GPC6: variants seen among roughly 807,000 people sequenced by gnomAD.
GPC6 encodes glypican 6.
Under a neutral mutation model 55.2 loss-of-function variants are expected in GPC6, and 14 were observed. The observed-to-expected ratio is 0.25, with a 90% CI of 0.17 to 0.40. The LOEUF (loss-of-function observed/expected upper bound fraction) is 0.40, where lower values mean the gene tolerates loss of function less well. Ranked by LOEUF, GPC6 falls within the 10% of genes least tolerant of loss-of-function variation. The probability of loss-of-function intolerance (pLI) is 1.00; values close to 1 mark genes in which losing one functional copy is unlikely to be tolerated. For missense variants in GPC6, 641 were observed against 708.5 expected (o/e 0.90, Z 1.08); for synonymous variants, 278 against 259.6 (o/e 1.07, Z -0.68).
intron 1 of GPC6, among the ~76,000 whole-genome samples, chr13:93,418,694 C>T (rs139687478): frequency 4.6e-4 from 68 of 148,848 alleles, no homozygotes; most frequent in African/African-American, 1.4e-3. Flanking sequence ...AGTGCTATAC[C>T]GTAGTGTCAT....
At chr13:94,186,053 C>A (rs1190662477) in intron 4 of GPC6, among the ~76,000 whole-genome samples, 1 of 15,220 alleles carries the variant, frequency 6.6e-5, no homozygotes, top group African/African-American at 5.2e-4. Context: ...GAGCGAGACT[C>A]CGTCTCCAAA....
intron 4 of GPC6, among the ~76,000 whole-genome samples, chr13:94,136,331 A>T (rs527392990): frequency 2.0e-5 from 3 of 152,254 alleles, no homozygotes; most frequent in East Asian, 3.9e-4. Flanking sequence ...AATACAGTAC[A>T]AGAGAGTGGC....
rs1335326866 is a variant in GPC6 at position 93,258,873 on chromosome 13, C to T, written c.160+31257C>T. ...GCTTAGCTGGGAGGATCCCTTGAAC[C>T]CAGAAGTTTGAGGCTTCAGGGAGCT... On this transcript the variant is annotated intron_variant, in intron 1 of 8. Transcript: ENST00000377047. Among the ~76,000 whole-genome samples the T allele has an allele frequency of 2.0e-5, 3 of 152,124 alleles. No individual in the cohort carries two copies. In the East Asian group the frequency reaches 5.8e-4, roughly 29 times the overall value.
Position 93,682,992 on chromosome 13 carries a change from T to TCTA in GPC6, c.319+137571_319+137572insCTA, listed in dbSNP as rs560191748. On this transcript the variant is annotated intron_variant, in intron 2 of 8. Coordinates refer to ENST00000377047, the MANE Select transcript of GPC6 (RefSeq NM_005708.5). ...ATAACTGCACCAGTGCACTCTAGTC[T>TCTA]GTGTGACCAAGCAAGACCCTGTCTG... Among the ~76,000 whole-genome samples the TCTA allele has an allele frequency of 1.4e-4, 21 of 152,126 alleles. No homozygotes were observed. In the South Asian group the frequency reaches 3.9e-3, roughly 29 times the overall value.
At chr13:93,636,545 C>T (rs1879706340) in intron 2 of GPC6, among the ~76,000 whole-genome samples, 1 of 152,040 alleles carries the variant, frequency 6.6e-6, no homozygotes, top group Non-Finnish European at 1.5e-5. Context: ...TTGTTTTGAC[C>T]AAAGAAAAGT....
chr13:94,193,737 AT>A (rs1416561156), intron 4 of GPC6, among the ~76,000 whole-genome samples: 3 of 152,182 alleles, frequency 2.0e-5, no homozygotes, highest in African/African-American at 7.2e-5. Flanking sequence ...GCATATGATC[AT>A]TGTCGTCATG....
chr13:93,974,258 A>C (rs1445520270), intron 3 of GPC6, among the ~76,000 whole-genome samples: 1 of 152,208 alleles, frequency 6.6e-6, no homozygotes, highest in Admixed American at 6.5e-5. Flanking sequence ...AGTTTCATTA[A>C]CATTTATTCT....
chr13:93,676,166 TATACATACACAC>T (rs1405410474), intron 2 of GPC6, among the ~76,000 whole-genome samples: 2 of 35,656 alleles, frequency 5.6e-5, no homozygotes, highest in African/African-American at 1.8e-4. Flanking sequence ...TATATATATA[TATACATACACAC>T]ACACACACAC....
chr13:93,625,150 T>A (rs2139562988), intron 2 of GPC6, among the ~76,000 whole-genome samples: 1 of 152,308 alleles, frequency 6.6e-6, no homozygotes, highest in South Asian at 2.1e-4. Context: ...GACAGTTTTT[T>A]TTTATTTTAG....
intron 2 of GPC6, among the ~76,000 whole-genome samples, chr13:93,756,915 A>G (rs918452497): frequency 6.6e-6 from 1 of 152,124 alleles, no homozygotes; most frequent in Non-Finnish European, 1.5e-5. Flanking sequence ...AGAGATGTAA[A>G]ATTGGTTTTC....
chr13:93,322,431 CTTTT>C (rs71272281), intron 1 of GPC6, among the ~76,000 whole-genome samples: 2,417 of 96,716 alleles, frequency 0.025, 40 homozygotes, highest in African/African-American at 0.095. Flanking sequence ...TTTCTTTCTT[CTTTT>C]TTTTTTTTTT....
chr13:93,389,221 G>C (rs1875519958), intron 1 of GPC6, among the ~76,000 whole-genome samples: 1 of 152,088 alleles, frequency 6.6e-6, no homozygotes, highest in Non-Finnish European at 1.5e-5. Context: ...TATGCTGCCA[G>C]GCACGGTGGC....
chr13:93,240,089 C>G (rs964435331), intron 1 of GPC6, among the ~76,000 whole-genome samples: 1 of 152,012 alleles, frequency 6.6e-6, no homozygotes, highest in Non-Finnish European at 1.5e-5. Context: ...GTGCTTATGA[C>G]AAGAATGTAT....
chr13:94,373,563 G>C (rs965059659), intron 6 of GPC6, among the ~76,000 whole-genome samples: 1 of 152,162 alleles, frequency 6.6e-6, no homozygotes, highest in Admixed American at 6.5e-5. Flanking sequence ...ATGGGACTAT[G>C]TGAAAAGACC....
At chr13:93,623,762 T>C (rs1432854423) in intron 2 of GPC6, among the ~76,000 whole-genome samples, 1 of 152,094 alleles carries the variant, frequency 6.6e-6, no homozygotes. Context: ...CTGGCCTCTT[T>C]GGTCTTTTTG....
intron 4 of GPC6, among the ~76,000 whole-genome samples, chr13:94,215,840 T>C (rs1890210255): frequency 6.6e-6 from 1 of 152,172 alleles, no homozygotes; most frequent in Non-Finnish European, 1.5e-5. Flanking sequence ...AACCTAGACT[T>C]AATCTGGAAA....
chr13:93,996,666 A>C (rs1406671644), intron 3 of GPC6, among the ~76,000 whole-genome samples: 2 of 152,164 alleles, frequency 1.3e-5, no homozygotes, highest in Non-Finnish European at 2.9e-5. Context: ...ACCAAATAAC[A>C]TTTCAAAATT....
chr13:94,202,566 T>A (rs1410561566), intron 4 of GPC6, among the ~76,000 whole-genome samples: 1 of 152,036 alleles, frequency 6.6e-6, no homozygotes, highest in African/African-American at 2.4e-5. Context: ...GATTCAATTA[T>A]CTCCCACCGG....
At position 94,363,950 on chromosome 13, in the gene GPC6, C is replaced by T. The variant is rs544563694; in HGVS notation, c.1153-18464C>T. The stretch of plus-strand genomic sequence containing the variant: ...TATACAATATCTCATTTAAATGTTT[C>T]GTGTTCACTATGTATTGAAACAATG... On this transcript the variant is annotated intron_variant, in intron 6 of 8. Transcript: ENST00000377047. Among the ~76,000 whole-genome samples, 106 of 152,282 alleles carry T rather than the reference C, an allele frequency of 7.0e-4. 1 individual carries two copies. The South Asian group carries it at 9.5e-3, about 14-fold the overall frequency.
Sources: allele counts gnomAD v4.1 joint callset (sites outside exome capture counted in the v4.1 genomes callset), GRCh38; gene constraint gnomAD v4.1.1; transcripts MANE v1.5; gene names NCBI Gene and HGNC (gene_info 2026-07-23, HGNC 2026-07-21).